The following LEF1 variants were observed in gnomAD, a reference collection of about 807,000 sequenced individuals.
LEF1 encodes lymphoid enhancer-binding factor 1.
A neutral mutation model predicts 51.2 loss-of-function variants in LEF1; 14 were observed. That is an observed-to-expected ratio of 0.27 (90% confidence interval 0.18 to 0.43). The LOEUF is 0.43. Ranked by LOEUF, LEF1 falls within the 20% of genes least tolerant of loss-of-function variation. The pLI is 1.00. For synonymous variants in LEF1, 185 were observed against 183.2 expected (o/e 1.01, Z -0.08); for missense variants, 386 against 512.0 (o/e 0.75, Z 2.37).
intron 3 of LEF1, among the ~76,000 whole-genome samples, chr4:108,134,216 A>G (rs904300664): frequency 6.6e-6 from 1 of 152,170 alleles, no homozygotes; most frequent in Non-Finnish European, 1.5e-5. Flanking sequence ...CAAATTTACA[A>G]ATAAAGAACT....
intron 3 of LEF1, among the ~76,000 whole-genome samples, chr4:108,162,489 G>A (rs1245221998): frequency 6.6e-6 from 1 of 152,146 alleles, no homozygotes; most frequent in Non-Finnish European, 1.5e-5. Flanking sequence ...CTCACTCCCA[G>A]ATTTTGTTCA....
At chr4:108,058,916 C>T (rs1446861239) in intron 11 of LEF1, among the ~76,000 whole-genome samples, 2 of 152,186 alleles carry the variant, frequency 1.3e-5, no homozygotes, top group East Asian at 3.8e-4. Flanking sequence ...ACAGTGTGTG[C>T]AGTCTTATCC....
chr4:108,089,754 A>G (rs1478878829), intron 3 of LEF1, among the ~76,000 whole-genome samples: 2 of 152,186 alleles, frequency 1.3e-5, no homozygotes, highest in Non-Finnish European at 2.9e-5. Flanking sequence ...AATAAATATA[A>G]ATTTCCTATA....
chr4:108,068,748 T>C (rs1738255661), intron 9 of LEF1, among the ~76,000 whole-genome samples: 1 of 152,240 alleles, frequency 6.6e-6, no homozygotes, highest in Non-Finnish European at 1.5e-5. Context: ...TAAGTTTCCA[T>C]GTGTGCATGA....
At chr4:108,086,701 G>A (rs1377524308) in intron 4 of LEF1, among the ~76,000 whole-genome samples, 1 of 152,142 alleles carries the variant, frequency 6.6e-6, no homozygotes. Flanking sequence ...AGGATAAAAT[G>A]GGTAACACAT....
At chr4:108,159,449 A>T (rs1744933912) in intron 3 of LEF1, among the ~76,000 whole-genome samples, 1 of 152,230 alleles carries the variant, frequency 6.6e-6, no homozygotes, top group Non-Finnish European at 1.5e-5. Flanking sequence ...GTCAAATTCA[A>T]TAGCTTCTTG....
intron 4 of LEF1, among the ~76,000 whole-genome samples, chr4:108,088,175 T>G (rs1441005929): frequency 6.6e-6 from 1 of 152,198 alleles, no homozygotes; most frequent in African/African-American, 2.4e-5. Flanking sequence ...TCACCAGTAG[T>G]GGAAAGAACA....
intron 2 of LEF1, 97 bp downstream of exon 2, chr4:108,165,000 C>A (rs187621619): frequency 4.0e-6 from 4 of 1,003,582 alleles, no homozygotes; most frequent in African/African-American, 1.6e-5. Context: ...CTGACCTAGT[C>A]CCAGTTTCTT....
intron 3 of LEF1, among the ~76,000 whole-genome samples, chr4:108,140,693 C>T (rs1743590823): frequency 1.3e-5 from 2 of 152,174 alleles, no homozygotes; most frequent in African/African-American, 4.8e-5. Context: ...TACTCCTACG[C>T]CTTTGTTAGG....
chr4:108,108,920 T>G (rs1229467228), intron 3 of LEF1, among the ~76,000 whole-genome samples: 1 of 152,172 alleles, frequency 6.6e-6, no homozygotes, highest in Non-Finnish European at 1.5e-5. Flanking sequence ...GTATTTCATT[T>G]TGTATCTGCA....
intron 3 of LEF1, among the ~76,000 whole-genome samples, chr4:108,130,081 T>C (rs1162380707): frequency 1.3e-5 from 2 of 152,182 alleles, no homozygotes; most frequent in Non-Finnish European, 2.9e-5. Context: ...AATAATCACC[T>C]AGAGGAAAAT....
intron 8 of LEF1, among the ~76,000 whole-genome samples, chr4:108,076,953 G>A (rs1184543747): frequency 3.3e-5 from 5 of 149,748 alleles, no homozygotes; most frequent in Non-Finnish European, 5.9e-5. Flanking sequence ...CTTGAAGCTG[G>A]GAGGCAGAGT....
At chr4:108,052,246 C>T (rs563723947) in intron 11 of LEF1, among the ~76,000 whole-genome samples, 1 of 152,318 alleles carries the variant, frequency 6.6e-6, no homozygotes, top group East Asian at 1.9e-4. Flanking sequence ...AAATGCACCC[C>T]TGCCCCATCA....
chr4:108,079,140 A>G (rs1739113665), intron 7 of LEF1, among the ~76,000 whole-genome samples: 1 of 152,166 alleles, frequency 6.6e-6, no homozygotes, highest in East Asian at 1.9e-4. Flanking sequence ...CCTCCAATCT[A>G]CTTCACTCAG....
intron 3 of LEF1, among the ~76,000 whole-genome samples, chr4:108,114,430 A>G (rs1441702578): frequency 6.6e-6 from 1 of 152,226 alleles, no homozygotes; most frequent in Non-Finnish European, 1.5e-5. Context: ...AGAAATGTCA[A>G]CTAGGCCCTT....
intron 8 of LEF1, among the ~76,000 whole-genome samples, chr4:108,078,010 C>CA (rs1244289848): frequency 2.0e-5 from 3 of 151,920 alleles, no homozygotes; most frequent in Non-Finnish European, 4.4e-5. Context: ...CACTGTACTC[C>CA]AGTCCAGCTT....
rs1560839405 is a variant in LEF1 at position 108,167,870 on chromosome 4, G to C, written c.-103C>G. On this transcript the variant is annotated 5_prime_UTR_variant, in exon 1 of 12. Coordinates refer to ENST00000265165, the MANE Select transcript of LEF1 (RefSeq NM_016269.5). This position sits in a 1 kb window ranked among gnomAD's most constrained non-coding sequence, Gnocchi z 5.7. ...GTGGGGGAGGAAAGGAGAGTTGGAA[G>C]GGTTCGTGCAGCAGGACAGCGGGCG... is the stretch of plus-strand genomic sequence containing the variant. 5 of 1,052,524 alleles carry C rather than the reference G, an allele frequency of 4.8e-6. No homozygotes were observed. Among genetic ancestry groups the C allele is most frequent in the Non-Finnish European group, 6.9e-6 (5 of 719,464 alleles). The allele number at this position is 1,052,524 out of a possible 1,614,324, so 65.2% of individuals were successfully genotyped here. A position where few individuals can be genotyped will look rare whatever the true frequency, so the allele number is the denominator to read the frequency against.
chr4:108,149,490 T>C (rs1174090379), intron 3 of LEF1, among the ~76,000 whole-genome samples: 3 of 138,648 alleles, frequency 2.2e-5, no homozygotes, highest in Non-Finnish European at 4.7e-5. Context: ...ATTATAAATA[T>C]ATTTTTAACA....
intron 3 of LEF1, among the ~76,000 whole-genome samples, 171 bp from the exon 4 acceptor site, chr4:108,089,428 C>A (rs576522992): frequency 1.3e-5 from 2 of 152,142 alleles, no homozygotes; most frequent in South Asian, 2.1e-4. Context: ...TGAATTTTTC[C>A]ATGGTAAATA....
Sources: allele counts gnomAD v4.1 joint callset (sites outside exome capture counted in the v4.1 genomes callset), GRCh38; gene constraint gnomAD v4.1.1; non-coding constraint Gnocchi (gnomAD v3.1); transcripts MANE v1.5; gene names NCBI Gene and HGNC (gene_info 2026-07-23, HGNC 2026-07-21).